The following CSMD1 variants were observed in gnomAD, a reference collection of about 807,000 sequenced individuals.
CSMD1 encodes the protein CUB and sushi domain-containing protein 1.
A neutral mutation model predicts 417.5 loss-of-function variants in CSMD1; 213 were observed. The observed-to-expected ratio is 0.51, with a 90% CI of 0.46 to 0.57. The LOEUF (loss-of-function observed/expected upper bound fraction) is 0.57. CSMD1 is among the 20% of genes least tolerant of loss of function. The pLI is 0.00. For missense variants in CSMD1, 6,923 were observed against 4,529.7 expected (o/e 1.53, Z -15.17); for synonymous variants, 2,862 against 1,736.8 (o/e 1.65, Z -16.11).
At chr8:3,814,569 C>T (rs1801270544) in intron 5 of CSMD1, among the ~76,000 whole-genome samples, 1 of 152,198 alleles carries the variant, frequency 6.6e-6, no homozygotes, top group Non-Finnish European at 1.5e-5. Flanking sequence ...GTGGATACCA[C>T]TTGCACCTAG....
chr8:4,154,080 A>T (rs1296530101), intron 3 of CSMD1, among the ~76,000 whole-genome samples: 1 of 152,220 alleles, frequency 6.6e-6, no homozygotes, highest in Non-Finnish European at 1.5e-5. Flanking sequence ...AATTGGAAGA[A>T]ACACTGAAAA....
At chr8:4,437,648 C>A (rs531242096) in intron 2 of CSMD1, among the ~76,000 whole-genome samples, 1 of 152,272 alleles carries the variant, frequency 6.6e-6, no homozygotes, top group Admixed American at 6.5e-5. Flanking sequence ...CAGAGTCACA[C>A]AAAGGAGTTC....
chr8:3,009,841 C>T (rs1310804035), intron 52 of CSMD1, among the ~76,000 whole-genome samples: 2 of 152,172 alleles, frequency 1.3e-5, no homozygotes, highest in Non-Finnish European at 2.9e-5. Flanking sequence ...GCCACAAATC[C>T]ATTTGATCAG....
intron 3 of CSMD1, among the ~76,000 whole-genome samples, chr8:4,185,158 A>G (rs1185754494): frequency 6.7e-6 from 1 of 149,732 alleles, no homozygotes; most frequent in Non-Finnish European, 1.5e-5. Flanking sequence ...AAAAAAAAAA[A>G]AAAAGCAAAC....
chr8:3,388,793 C>G (rs1322269228), intron 17 of CSMD1, among the ~76,000 whole-genome samples: 2 of 152,116 alleles, frequency 1.3e-5, no homozygotes, highest in Non-Finnish European at 2.9e-5. Flanking sequence ...TCTGGAGGAG[C>G]TTTCAATCTG....
Position 4,361,486 on chromosome 8 carries a change from A to G in CSMD1, c.415+58467T>C, listed in dbSNP as rs568387388. Among the ~76,000 whole-genome samples the G allele has an allele frequency of 4.6e-5, 7 of 152,154 alleles. No individual in the cohort carries two copies. The East Asian group carries it at 1.4e-3, about 29-fold the overall frequency. On this transcript the variant is annotated intron_variant, in intron 3 of 69. Transcript: ENST00000635120. Reference sequence around the variant, plus strand: ...ATAAGGTCGACATTATTGCATTTCCACTTTACAGATTAGAAGACGGAGGCC... The same window carrying G: ...ATAAGGTCGACATTATTGCATTTCCGCTTTACAGATTAGAAGACGGAGGCC...
intron 1 of CSMD1, among the ~76,000 whole-genome samples, chr8:4,930,015 G>C (rs1000889482): frequency 3.3e-5 from 5 of 152,182 alleles, no homozygotes; most frequent in Admixed American, 6.5e-5. Flanking sequence ...CTGATGAGGT[G>C]AATGAAGAAA....
chr8:3,068,206 T>C lies in CSMD1; in HGVS notation c.7475-15559A>G, dbSNP rs759734114. Among the ~76,000 whole-genome samples the C allele has an allele frequency of 1.1e-4, 17 of 152,316 alleles. 1 individual carries two copies. The highest frequency in any genetic ancestry group is 3.8e-4 in the African/African-American group (16 of 41,570). Reference sequence around the variant, plus strand: ...GTGGTAATTTTCTTCTTGTCATTTCTAAAAAATGTGAAAACTTTCTTCATA... The same window carrying C: ...GTGGTAATTTTCTTCTTGTCATTTCCAAAAAATGTGAAAACTTTCTTCATA... On this transcript the variant is annotated intron_variant, in intron 49 of 69. Transcript: ENST00000635120.
chr8:3,904,061 G>A (rs1377022552), intron 5 of CSMD1, among the ~76,000 whole-genome samples: 1 of 151,902 alleles, frequency 6.6e-6, no homozygotes, highest in Admixed American at 6.6e-5. Flanking sequence ...ATTTCCTGCA[G>A]GTGTGATATC....
intron 1 of CSMD1, among the ~76,000 whole-genome samples, chr8:4,799,500 G>C (rs747483175): frequency 6.7e-6 from 1 of 149,656 alleles, no homozygotes; most frequent in Admixed American, 6.7e-5. Flanking sequence ...TCTAGAGCCT[G>C]GGGCAGGAGA....
chr8:3,205,037 C>G (rs1055018762), intron 31 of CSMD1, among the ~76,000 whole-genome samples: 1 of 152,158 alleles, frequency 6.6e-6, no homozygotes, highest in African/African-American at 2.4e-5. Context: ...AGTCAAGACT[C>G]TGCCTGCTTC....
intron 2 of CSMD1, among the ~76,000 whole-genome samples, chr8:4,498,958 T>G (rs557285860): frequency 7.5e-4 from 114 of 152,256 alleles, no homozygotes; most frequent in Middle Eastern, 3.4e-3. Flanking sequence ...CTATACAAAC[T>G]GTAAAGCTAA....
intron 5 of CSMD1, among the ~76,000 whole-genome samples, chr8:3,915,195 C>T (rs1269230777): frequency 1.3e-5 from 2 of 152,018 alleles, no homozygotes; most frequent in African/African-American, 4.8e-5. Flanking sequence ...CACCTAAGGT[C>T]AGGATTTCGA....
At chr8:2,976,539 G>T (rs1297734056) in intron 55 of CSMD1, among the ~76,000 whole-genome samples, 2 of 152,056 alleles carry the variant, frequency 1.3e-5, no homozygotes, top group Non-Finnish European at 2.9e-5. Flanking sequence ...TGTAGAGATG[G>T]AGTCTGGCTA....
chr8:4,506,648 A>G (rs1022306205), intron 2 of CSMD1, among the ~76,000 whole-genome samples: 2 of 152,076 alleles, frequency 1.3e-5, no homozygotes, highest in African/African-American at 4.8e-5. Flanking sequence ...TTTACATAAG[A>G]CCCTATAATT....
chr8:4,605,544 G>C (rs575155726), intron 2 of CSMD1, among the ~76,000 whole-genome samples: 1 of 152,114 alleles, frequency 6.6e-6, no homozygotes, highest in Admixed American at 6.5e-5. Flanking sequence ...TTACAATTAC[G>C]CAAATGATAA....
chr8:4,808,627 G>A (rs997369988), intron 1 of CSMD1, among the ~76,000 whole-genome samples: 1 of 152,178 alleles, frequency 6.6e-6, no homozygotes, highest in African/African-American at 2.4e-5. Flanking sequence ...ATAGAACACA[G>A]CCAGCAATCA....
At position 3,708,688 on chromosome 8, in the gene CSMD1, G is replaced by C. The variant is rs568351245; in HGVS notation, c.932-197C>G. ...TTATTGTGAGGCTATCAAGCAGCAA[G>C]ATCACATCTTACAGCATCAGTGTCG... On this transcript the variant is annotated intron_variant, in intron 6 of 69. Coordinates refer to ENST00000635120, the MANE Select transcript of CSMD1 (RefSeq NM_033225.6). Among the ~76,000 whole-genome samples, 527 of 152,310 alleles carry C rather than the reference G, an allele frequency of 3.5e-3. 2 individuals carry two copies. The highest frequency in any genetic ancestry group is 4.9e-3 in the Non-Finnish European group (333 of 68,026).
chr8:3,367,911 T>C (rs756151509), intron 19 of CSMD1, among the ~76,000 whole-genome samples: 1 of 152,138 alleles, frequency 6.6e-6, no homozygotes, highest in Non-Finnish European at 1.5e-5. Flanking sequence ...ACCAGACAAA[T>C]TTTCAATTTA....
Sources: allele counts gnomAD v4.1 joint callset (sites outside exome capture counted in the v4.1 genomes callset), GRCh38; gene constraint gnomAD v4.1.1; transcripts MANE v1.5; gene names NCBI Gene and HGNC (gene_info 2026-07-23, HGNC 2026-07-21).